MACROD2: variants seen among roughly 807,000 people sequenced by gnomAD.
MACROD2 encodes the protein mono-ADP ribosylhydrolase 2.
Under a neutral mutation model 70.4 loss-of-function variants are expected in MACROD2, and 36 were observed. That is an observed-to-expected ratio of 0.51 (90% CI 0.39 to 0.68). MACROD2 has a LOEUF of 0.68. MACROD2 is among the 30% of genes least tolerant of loss of function. The probability of loss-of-function intolerance (pLI) is 0.00; values close to 1 mark genes in which losing one functional copy is unlikely to be tolerated. For missense variants in MACROD2, 496 were observed against 538.4 expected (o/e 0.92, Z 0.78); for synonymous variants, 172 against 178.8 (o/e 0.96, Z 0.30).
Position 14,969,422 on chromosome 20 carries a change from C to T in MACROD2, c.419-260518C>T, listed in dbSNP as rs913454536. On this transcript the variant is annotated intron_variant, in intron 5 of 17. Transcript: ENST00000684519. ...CACACATATATAAGCATTTATTCAG[C>T]ACAGATTTGATGAAACTCCTCTACC... Among the ~76,000 whole-genome samples the T allele has an allele frequency of 5.3e-5, 8 of 149,536 alleles. No homozygotes were observed. The Admixed American group carries it at 5.4e-4, about 10-fold the overall frequency.
intron 2 of MACROD2, among the ~76,000 whole-genome samples, chr20:14,072,807 G>T (rs574335057): frequency 6.6e-6 from 1 of 151,814 alleles, no homozygotes; most frequent in Non-Finnish European, 1.5e-5. Context: ...GGTGGCGGAC[G>T]CCTATAGTCC....
In MACROD2 at chr20:16,041,223, G is replaced by C; in HGVS notation, c.1176G>C (p.Arg392Ser). ...GEKAPGEDTPRMPGKSEGSSD... is the reference protein window; with the variant it reads ...GEKAPGEDTPSMPGKSEGSSD... ...CAGCTCCAGGCGAGGACACACCTAG[G>C]ATGCCTGGGAAAAGTGAAGGCTCCA... The change falls in exon 16 of 18, where the codon AGG becomes AGC. Residue 392 changes from arginine to serine, a missense_variant. By Grantham distance (110) the Arg-to-Ser change is moderately radical. Transcript: ENST00000684519. 6.2e-7 allele frequency: 1 copy of C among 1,612,058 alleles called. No homozygotes were observed. The highest frequency in any genetic ancestry group is 1.1e-5 in the South Asian group (1 of 90,936).
intron 3 of MACROD2, among the ~76,000 whole-genome samples, chr20:14,482,224 A>C (rs1321315072): frequency 6.6e-6 from 1 of 151,074 alleles, no homozygotes; most frequent in Non-Finnish European, 1.5e-5. Context: ...AGACTTTAAC[A>C]AACTGGAAGA....
At chr20:14,510,390 C>A (rs1452696109) in intron 4 of MACROD2, among the ~76,000 whole-genome samples, 8 of 152,006 alleles carry the variant, frequency 5.3e-5, no homozygotes, top group Non-Finnish European at 8.8e-5. Flanking sequence ...TAGATGCTTG[C>A]TTCCTAAGTT....
At chr20:15,205,572 C>A (rs1311843767) in intron 5 of MACROD2, among the ~76,000 whole-genome samples, 1 of 151,214 alleles carries the variant, frequency 6.6e-6, no homozygotes, top group East Asian at 1.9e-4. Flanking sequence ...GTTTCTGTTA[C>A]TTCAAAGAAA....
chr20:14,589,885 C>A (rs1981645306), intron 4 of MACROD2, among the ~76,000 whole-genome samples: 1 of 152,118 alleles, frequency 6.6e-6, no homozygotes, highest in East Asian at 1.9e-4. Context: ...TAAAAATATG[C>A]CGTTCTCATA....
intron 5 of MACROD2, among the ~76,000 whole-genome samples, chr20:15,204,395 A>G (rs1207157250): frequency 2.0e-5 from 3 of 152,114 alleles, no homozygotes; most frequent in Non-Finnish European, 4.4e-5. Flanking sequence ...GAATTCTAAT[A>G]GGTCTAATTG....
chr20:14,549,657 T>A (rs1399166188), intron 4 of MACROD2, among the ~76,000 whole-genome samples: 2 of 152,104 alleles, frequency 1.3e-5, no homozygotes, highest in African/African-American at 4.8e-5. Context: ...CAATCCATGA[T>A]AAGAAGGTAA....
intron 2 of MACROD2, among the ~76,000 whole-genome samples, chr20:14,029,759 T>C (rs983595710): frequency 1.8e-4 from 28 of 152,252 alleles, no homozygotes; most frequent in African/African-American, 6.5e-4. Context: ...TGTGTTTTTC[T>C]GACTATTGAT....
chr20:14,103,870 G>A (rs2054331886), intron 3 of MACROD2, among the ~76,000 whole-genome samples: 1 of 151,984 alleles, frequency 6.6e-6, no homozygotes, highest in Non-Finnish European at 1.5e-5. Context: ...ACTGTTATAA[G>A]CAGGCTGCGA....
At chr20:14,959,748 C>T (rs1195711062) in intron 5 of MACROD2, among the ~76,000 whole-genome samples, 1 of 152,148 alleles carries the variant, frequency 6.6e-6, no homozygotes, top group Non-Finnish European at 1.5e-5. Context: ...CTTTGTAAGC[C>T]CTATTCCATC....
chr20:15,974,849 A>G (rs111581056), intron 13 of MACROD2, among the ~76,000 whole-genome samples: 6 of 152,322 alleles, frequency 3.9e-5, no homozygotes, highest in African/African-American at 7.2e-5. Flanking sequence ...TATGAAATGC[A>G]GGCATACACA....
intron 4 of MACROD2, among the ~76,000 whole-genome samples, chr20:14,631,347 C>CT (rs1303467504): frequency 6.6e-6 from 1 of 152,166 alleles, no homozygotes; most frequent in African/African-American, 2.4e-5. Context: ...ACGGTTTCTG[C>CT]TTTTTCTTAG....
In MACROD2 at chr20:14,269,341, G is replaced by A. The variant is rs61223713; in HGVS notation, c.271+183613G>A. ...TAATTGGGGCTTGTCTGAAAAATGC[G>A]TTGATATCTGTCATTTCAGAATTGA... On this transcript the variant is annotated intron_variant, in intron 3 of 17. Transcript: ENST00000684519. Among the ~76,000 whole-genome samples the A allele has an allele frequency of 8.5e-5, 13 of 152,242 alleles. No homozygotes were observed. In the East Asian group the frequency reaches 9.6e-4, roughly 11 times the overall value.
chr20:14,143,922 G>C (rs927672840), intron 3 of MACROD2, among the ~76,000 whole-genome samples: 2 of 152,056 alleles, frequency 1.3e-5, no homozygotes, highest in Non-Finnish European at 2.9e-5. Flanking sequence ...CTGCATTAAG[G>C]TTCCTTTCAA....
chr20:14,145,340 T>C (rs1164774897), intron 3 of MACROD2, among the ~76,000 whole-genome samples: 2 of 152,218 alleles, frequency 1.3e-5, no homozygotes, highest in East Asian at 3.8e-4. Flanking sequence ...TAGGTATAAA[T>C]AAATGTTAGT....
At chr20:15,304,757 G>A (rs1323293285) in intron 6 of MACROD2, among the ~76,000 whole-genome samples, 1 of 151,996 alleles carries the variant, frequency 6.6e-6, no homozygotes, top group Non-Finnish European at 1.5e-5. Context: ...TAAATATTTA[G>A]CCAATCGGGT....
chr20:15,378,468 G>A (rs909548412), intron 6 of MACROD2, among the ~76,000 whole-genome samples: 2 of 152,052 alleles, frequency 1.3e-5, no homozygotes, highest in Non-Finnish European at 2.9e-5. Flanking sequence ...GTGATTGAAT[G>A]TATTGGAGTT....
chr20:15,677,039 A>G (rs1481483829), intron 8 of MACROD2, among the ~76,000 whole-genome samples: 1 of 152,238 alleles, frequency 6.6e-6, no homozygotes, highest in Admixed American at 6.5e-5. Flanking sequence ...GGATATTTAT[A>G]TCATCCTGGT....
Sources: allele counts gnomAD v4.1 joint callset (sites outside exome capture counted in the v4.1 genomes callset), GRCh38; gene constraint gnomAD v4.1.1; transcripts MANE v1.5; gene names NCBI Gene and HGNC (gene_info 2026-07-23, HGNC 2026-07-21).